STAT5B: variants seen among roughly 807,000 people sequenced by gnomAD.
The protein encoded by STAT5B is transcription factor STAT5B.
A neutral mutation model predicts 107.8 loss-of-function variants in STAT5B; 21 were observed. The observed-to-expected ratio is 0.19, with a 90% CI of 0.14 to 0.28. The LOEUF is 0.28. Among genes scored for constraint, STAT5B ranks in the 10% least tolerant of loss-of-function variants. STAT5B has a pLI of 1.00. For missense variants in STAT5B, 565 were observed against 1,008.2 expected (o/e 0.56, Z 5.95); for synonymous variants, 325 against 401.7 (o/e 0.81, Z 2.28).
chr17:42,262,935 T>C (rs554564576), intron 1 of STAT5B, among the ~76,000 whole-genome samples: 442 of 41,400 alleles, frequency 0.011, 2 homozygotes, highest in Non-Finnish European at 0.015. Flanking sequence ...TATATATATG[T>C]ATATATATGT....
intron 3 of STAT5B, among the ~76,000 whole-genome samples, chr17:42,225,660 C>T: frequency 6.6e-6 from 1 of 152,210 alleles, no homozygotes; most frequent in East Asian, 1.9e-4. Context: ...TTTAAACCAC[C>T]TATAGATTGC....
At chr17:42,205,456 T>C (rs1474308312) in intron 16 of STAT5B, among the ~76,000 whole-genome samples, 3 of 152,224 alleles carry the variant, frequency 2.0e-5, no homozygotes, top group African/African-American at 7.2e-5. Context: ...CTACCACTTA[T>C]CTTCCCTGCT....
At chr17:42,262,853 TAC>T (rs200650732) in intron 1 of STAT5B, among the ~76,000 whole-genome samples, 1 of 90,748 alleles carries the variant, frequency 1.1e-5, no homozygotes, top group African/African-American at 5.6e-5. Flanking sequence ...TATATGTATA[TAC>T]ACACATATAT....
intron 5 of STAT5B, among the ~76,000 whole-genome samples, chr17:42,220,663 G>A (rs2080217799): frequency 3.3e-5 from 5 of 152,138 alleles, no homozygotes; most frequent in Admixed American, 2.0e-4. Flanking sequence ...CAGGGCCACT[G>A]GGGATGCAGA....
In STAT5B at chr17:42,219,693, G is replaced by A; in HGVS notation, c.681+19C>T. ...CTTCATGGCACCCACGCCCAGGAGA[G>A]GCCCAGGACCCCACTCACCACGCGG... is the stretch of plus-strand genomic sequence containing the variant. On this transcript the variant is annotated intron_variant, in intron 6 of 18. Transcript: ENST00000293328. The A allele has an allele frequency of 1.3e-6, 2 of 1,596,196 alleles. No individual in the cohort carries two copies. Among genetic ancestry groups the A allele is most frequent in the South Asian group, 1.1e-5 (1 of 89,636 alleles).
At position 42,237,316 on chromosome 17, in the gene STAT5B, C is replaced by T. The variant is rs117510689; in HGVS notation, c.-10-5179G>A. Among the ~76,000 whole-genome samples the T allele has an allele frequency of 4.1e-3, 631 of 152,272 alleles. 4 individuals are homozygous for T. The highest frequency in any genetic ancestry group is 6.8e-3 in the Non-Finnish European group (465 of 68,026). On this transcript the variant is annotated intron_variant, in intron 1 of 18. Transcript: ENST00000293328. ...ACTGAAAACCATAAAAATGAATGTC[C>T]ACCACATAAATAAATGATATAAGTG...
rs1447788988 is a variant in STAT5B, at chr17:42,210,452, C to T, written c.1726G>A (p.Gly576Ser). The T allele has an allele frequency of 1.9e-6, 3 of 1,614,080 alleles. No homozygotes were observed. The highest frequency in any genetic ancestry group is 1.7e-5 in the Admixed American group (1 of 59,998). Reference protein sequence around the residue: ...RNYTFWQWFDGVMEVLKKHLK... With the variant: ...RNYTFWQWFDSVMEVLKKHLK... Reference sequence around the variant, plus strand: ...TGTTTTTTTAACACTTCCATCACACCGTCAAACCATTGCCAGAAAGTGTAA... The same window carrying T: ...TGTTTTTTTAACACTTCCATCACACTGTCAAACCATTGCCAGAAAGTGTAA... Residue 576 changes from glycine (G) to serine (S), a missense_variant, in exon 14 of 19, where the codon GGT becomes AGT. Physicochemically the swap from Gly to Ser is moderately conservative, Grantham distance 56 (BLOSUM62 0). Transcript: ENST00000293328.
At chr17:42,211,746 C>T (rs1331708472) in intron 13 of STAT5B, among the ~76,000 whole-genome samples, 1 of 152,098 alleles carries the variant, frequency 6.6e-6, no homozygotes, top group African/African-American at 2.4e-5. Context: ...ATTTCCTTTA[C>T]AAAGGAAGAA....
chr17:42,275,960 C>A (rs933747173), intron 1 of STAT5B, among the ~76,000 whole-genome samples: 3 of 151,992 alleles, frequency 2.0e-5, no homozygotes, highest in Non-Finnish European at 4.4e-5. Context: ...CACACCCACT[C>A]AGCACACGCG....
At chr17:42,205,830 G>T (rs1444858658) in intron 16 of STAT5B, among the ~76,000 whole-genome samples, 1 of 152,078 alleles carries the variant, frequency 6.6e-6, no homozygotes, top group Non-Finnish European at 1.5e-5. Flanking sequence ...GATCCCTTGA[G>T]TCTAGCAGTT....
upstream of STAT5B, among the ~76,000 whole-genome samples, chr17:42,279,704 G>A (rs1194816976): frequency 6.6e-6 from 1 of 152,108 alleles, no homozygotes; most frequent in Non-Finnish European, 1.5e-5. Flanking sequence ...GGGAGGCTGA[G>A]GCAGGAGAAT....
intron 11 of STAT5B, 119 bp downstream of exon 11, chr17:42,217,041 A>T: frequency 1.3e-6 from 2 of 1,519,328 alleles, no homozygotes; most frequent in Non-Finnish European, 1.8e-6. Flanking sequence ...GTCCATTTTC[A>T]GTTTACCAAC....
In STAT5B at chr17:42,250,957, A is replaced by C. The variant is rs116660848; in HGVS notation, c.-10-18820T>G. On this transcript the variant is annotated intron_variant, in intron 1 of 18. Coordinates refer to ENST00000293328, the MANE Select transcript of STAT5B (RefSeq NM_012448.4). ...AAAAAAAAAAATCATCAGCTAGTCA[A>C]ATGAGTTTCTCCTGACAGTGATACC... 3.1e-3 allele frequency among the ~76,000 whole-genome samples: 474 copies of C among 152,052 alleles called. 3 individuals are homozygous for C. The highest frequency in any genetic ancestry group is 0.011 in the African/African-American group (458 of 41,466).
chr17:42,235,163 G>A (rs946544947), intron 1 of STAT5B: 2 of 152,108 alleles, frequency 1.3e-5, no homozygotes, highest in Non-Finnish European at 2.9e-5. Flanking sequence ...CGGCATTCTG[G>A]TCACTCTCTA....
intron 15 of STAT5B, among the ~76,000 whole-genome samples, chr17:42,209,059 G>C (rs1260417099): frequency 1.5e-5 from 2 of 134,680 alleles, no homozygotes; most frequent in Non-Finnish European, 3.2e-5. Flanking sequence ...TTAAGAGACA[G>C]GGTCTTACTC....
At chr17:42,209,880 C>T (rs1310684993) in intron 15 of STAT5B, among the ~76,000 whole-genome samples, 2 of 152,152 alleles carry the variant, frequency 1.3e-5, no homozygotes, top group African/African-American at 4.8e-5. Context: ...AAGAGGGAAG[C>T]AACTGAGATT....
In STAT5B at chr17:42,201,075, T is replaced by C. The variant is rs1156885971; in HGVS notation, c.*663A>G. On this transcript the variant is annotated 3_prime_UTR_variant, in exon 19 of 19. Coordinates refer to ENST00000293328, the MANE Select transcript of STAT5B (RefSeq NM_012448.4). ...GAGAGAGGACAAAGAGAGAATAAGATGAGCTAAATGTTTTGTGAAAAGCCA... is the reference window on the plus strand; with the variant it reads ...GAGAGAGGACAAAGAGAGAATAAGACGAGCTAAATGTTTTGTGAAAAGCCA... 2.5e-6 allele frequency: 1 copy of C among 403,170 alleles called. No homozygotes were observed. The highest frequency in any genetic ancestry group is 4.4e-6 in the Non-Finnish European group (1 of 228,724). The allele number at this position is 403,170 out of a possible 1,614,324, so 25.0% of individuals were successfully genotyped here.
chr17:42,222,552 C>T (rs2080239017), intron 5 of STAT5B, among the ~76,000 whole-genome samples: 1 of 152,106 alleles, frequency 6.6e-6, no homozygotes, highest in African/African-American at 2.4e-5. Flanking sequence ...GGTTTCTTTT[C>T]CCCCTTAGAG....
chr17:42,243,924 T>TCA (rs201388601), intron 1 of STAT5B, among the ~76,000 whole-genome samples: 1 of 65,480 alleles, frequency 1.5e-5, no homozygotes, highest in Non-Finnish European at 3.0e-5. Context: ...ATAATGGATT[T>TCA]GCGATCCCTT....
Sources: gnomAD v4.1 joint callset for allele counts (sites outside exome capture counted in the v4.1 genomes callset) on GRCh38, gnomAD v4.1.1 for gene constraint, MANE v1.5 for transcripts, NCBI Gene and HGNC (gene_info 2026-07-23, HGNC 2026-07-21) for gene names.